The following UQCC1 variants were observed in gnomAD, a reference collection of about 807,000 sequenced individuals.
UQCC1 encodes ubiquinol-cytochrome c reductase complex assembly factor 1, also known as bFGF-repressed Zic-binding protein.
UQCC1 carries 38 observed loss-of-function variants against 48.0 expected under a neutral mutation model. The ratio of observed to expected loss-of-function variants is 0.79; its 90% confidence interval spans 0.61 to 1.04. The LOEUF (loss-of-function observed/expected upper bound fraction) is 1.04. Among genes scored for constraint, UQCC1 ranks in the 50% least tolerant of loss-of-function variants. The probability of loss-of-function intolerance (pLI) is 0.00; values close to 1 mark genes in which losing one functional copy is unlikely to be tolerated. For missense variants in UQCC1, 368 were observed against 381.8 expected, an observed-to-expected ratio of 0.96 and a Z score of 0.30; for synonymous variants, 111 against 129.2, an observed-to-expected ratio of 0.86 and a Z score of 0.95.
intron 1 of UQCC1, 93 bp from the exon 2 acceptor site, chr20:35,394,289 G>C: frequency 2.6e-6 from 3 of 1,132,794 alleles, no homozygotes; most frequent in East Asian, 5.1e-5. Flanking sequence ...AATATAATTA[G>C]AAATATATAT....
chr20:35,351,618 A>G (rs931034889), intron 6 of UQCC1, among the ~76,000 whole-genome samples: 13 of 152,208 alleles, frequency 8.5e-5, no homozygotes, highest in Non-Finnish European at 1.3e-4. Context: ...TCAGAGGCCA[A>G]TTCATCAACA....
chr20:35,398,270 A>G (rs548512342), intron 1 of UQCC1, among the ~76,000 whole-genome samples: 51 of 152,336 alleles, frequency 3.3e-4, no homozygotes, highest in African/African-American at 1.2e-3. Context: ...TACTGTTCAG[A>G]AGCTACATAT....
chr20:35,381,814 A>G (rs1484995625), intron 4 of UQCC1, 104 bp downstream of exon 4: 2 of 727,170 alleles, frequency 2.8e-6, no homozygotes, highest in African/African-American at 3.5e-5. Context: ...ATCCAAAATA[A>G]TGTATGAATT....
chr20:35,339,472 G>T (rs528638613), intron 7 of UQCC1, among the ~76,000 whole-genome samples: 51 of 152,168 alleles, frequency 3.4e-4, no homozygotes, highest in African/African-American at 1.2e-3. Flanking sequence ...AGATCAGACG[G>T]AATAGCATAA....
intron 8 of UQCC1, among the ~76,000 whole-genome samples, chr20:35,312,657 A>G (rs567475661): frequency 6.6e-6 from 1 of 152,334 alleles, no homozygotes; most frequent in East Asian, 1.9e-4. Flanking sequence ...TCAGTATAAA[A>G]GCATATGGTT....
At chr20:35,327,139 C>T (rs1424419989) in intron 7 of UQCC1, among the ~76,000 whole-genome samples, 1 of 152,200 alleles carries the variant, frequency 6.6e-6, no homozygotes, top group Non-Finnish European at 1.5e-5. Flanking sequence ...AACAGCCCTG[C>T]CTTCTTCTTC....
At chr20:35,351,341 A>G (rs1181288743) in intron 6 of UQCC1, among the ~76,000 whole-genome samples, 1 of 151,488 alleles carries the variant, frequency 6.6e-6, no homozygotes, top group Admixed American at 6.6e-5. Context: ...CAGTAAGTCA[A>G]AGATCACGCC....
intron 6 of UQCC1, among the ~76,000 whole-genome samples, chr20:35,352,580 G>T (rs2061501100): frequency 2.0e-5 from 3 of 152,152 alleles, no homozygotes; most frequent in Admixed American, 2.0e-4. Context: ...ATATGAGAGT[G>T]GTCCCATAAG....
chr20:35,384,028 T>C lies in UQCC1; in HGVS notation c.225+10A>G, dbSNP rs199820328. On this transcript the variant is annotated intron_variant, in intron 3 of 9. Coordinates refer to ENST00000374385, the MANE Select transcript of UQCC1 (RefSeq NM_018244.5). The stretch of plus-strand genomic sequence containing the variant: ...ACTCTATAAACACAGAATGCACTGA[T>C]AATTCTCACCTTACGTGTGGTGTGA... 39 of 1,608,840 alleles carry C rather than the reference T, an allele frequency of 2.4e-5. 1 individual carries two copies. The East Asian group carries it at 8.5e-4, about 35-fold the overall frequency.
At chr20:35,410,514 A>T (rs533385227) in intron 1 of UQCC1, among the ~76,000 whole-genome samples, 2 of 149,908 alleles carry the variant, frequency 1.3e-5, no homozygotes, top group East Asian at 3.9e-4. Flanking sequence ...CCTGGGTGAC[A>T]GAGCGAGACT....
intron 7 of UQCC1, among the ~76,000 whole-genome samples, chr20:35,322,949 G>A (rs1203253188): frequency 6.6e-6 from 1 of 151,284 alleles, no homozygotes; most frequent in African/African-American, 2.4e-5. Flanking sequence ...CCGGGTTCAC[G>A]CCATTCTCCT....
At chr20:35,337,973 T>C (rs1373230068) in intron 7 of UQCC1, among the ~76,000 whole-genome samples, 1 of 151,468 alleles carries the variant, frequency 6.6e-6, no homozygotes, top group Non-Finnish European at 1.5e-5. Context: ...CCGCCTTTGT[T>C]AGTCTCCTGG....
At chr20:35,320,331 C>T (rs900912503) in intron 7 of UQCC1, among the ~76,000 whole-genome samples, 28 of 152,200 alleles carry the variant, frequency 1.8e-4, no homozygotes, top group African/African-American at 1.2e-4. Context: ...CTCTAAGAGA[C>T]AGGAACTGTT....
At chr20:35,381,382 C>T (rs1424209260) in intron 4 of UQCC1, among the ~76,000 whole-genome samples, 1 of 152,124 alleles carries the variant, frequency 6.6e-6, no homozygotes, top group Non-Finnish European at 1.5e-5. Context: ...ATATGGCATA[C>T]CATGCAGCAA....
At chr20:35,375,859 T>TAGGA (rs1450513510) in intron 4 of UQCC1, among the ~76,000 whole-genome samples, 1 of 134,056 alleles carries the variant, frequency 7.5e-6, no homozygotes, top group Non-Finnish European at 1.5e-5. Flanking sequence ...GAGGCTGAGG[T>TAGGA]AGGAGGCTGA....
chr20:35,318,871 T>G (rs1022425589), intron 7 of UQCC1, among the ~76,000 whole-genome samples: 9 of 152,160 alleles, frequency 5.9e-5, no homozygotes, highest in African/African-American at 2.2e-4. Flanking sequence ...TTTTATTCCC[T>G]CATTTAAGTT....
intron 6 of UQCC1, among the ~76,000 whole-genome samples, chr20:35,350,629 G>A (rs1206103679): frequency 6.6e-6 from 1 of 152,214 alleles, no homozygotes; most frequent in Non-Finnish European, 1.5e-5. Context: ...CCAGGAGGCA[G>A]AGGTTGCAGT....
At chr20:35,402,017 A>C (rs1277094778) in intron 1 of UQCC1, among the ~76,000 whole-genome samples, 1 of 152,130 alleles carries the variant, frequency 6.6e-6, no homozygotes, top group Non-Finnish European at 1.5e-5. Context: ...ATGGATACTA[A>C]CTCAATTCCG....
intron 5 of UQCC1, among the ~76,000 whole-genome samples, chr20:35,368,726 C>A (rs2061696730): frequency 6.6e-6 from 1 of 152,168 alleles, no homozygotes; most frequent in South Asian, 2.1e-4. Context: ...GGCAGGGCTG[C>A]AGTTTGAATC....
Sources: allele counts gnomAD v4.1 joint callset (sites outside exome capture counted in the v4.1 genomes callset), GRCh38; gene constraint gnomAD v4.1.1; transcripts MANE v1.5; gene names NCBI Gene and HGNC (gene_info 2026-07-23, HGNC 2026-07-21).